The following IMMP2L variants were observed in gnomAD, a reference collection of about 807,000 sequenced individuals.
The protein encoded by IMMP2L is mitochondrial inner membrane protease subunit 2.
Under a neutral mutation model 19.3 loss-of-function variants are expected in IMMP2L, and 18 were observed. The observed-to-expected ratio is 0.93, with a 90% CI of 0.64 to 1.38. The LOEUF (loss-of-function observed/expected upper bound fraction) is 1.38, where lower values mean the gene tolerates loss of function less well. Among genes scored for constraint, IMMP2L ranks in the 40% most tolerant of loss-of-function variants. The pLI is 0.00. For synonymous variants in IMMP2L, 76 were observed against 73.0 expected, an observed-to-expected ratio of 1.04 and a Z score of -0.21; for missense variants, 233 against 218.2, an observed-to-expected ratio of 1.07 and a Z score of -0.43.
chr7:111,027,551 G>A (rs1826974964), intron 3 of IMMP2L, among the ~76,000 whole-genome samples: 2 of 151,948 alleles, frequency 1.3e-5, no homozygotes, highest in Non-Finnish European at 2.9e-5. Context: ...CACTGGGACG[G>A]CTAAAGTCAT....
rs774110373 is a variant in IMMP2L at position 110,663,689 on chromosome 7, T to A, written c.441A>T (p.Thr147=). The A allele has an allele frequency of 6.2e-7, 1 of 1,607,132 alleles. No individual in the cohort carries two copies. The highest frequency in any genetic ancestry group is 8.5e-7 in the Non-Finnish European group (1 of 1,176,410). ...AGCGCTCTGGGGGCCACAGGATATG[T>A]GTGGCATGGGCATGCAGAAGTCCTA... ...VSLGLLHAHA[T]HILWPPERWQ... The change falls in exon 6 of 6, where the codon ACA becomes ACT. Residue 147 remains threonine, a synonymous_variant. Transcript: ENST00000405709.
intron 5 of IMMP2L, among the ~76,000 whole-genome samples, chr7:110,848,586 G>T (rs79293260): frequency 0.029 from 4,365 of 152,120 alleles, 219 homozygotes; most frequent in African/African-American, 0.1. Context: ...AAACTTATGT[G>T]CACACAAAAA....
At chr7:111,461,415 C>T (rs532494057) in intron 3 of IMMP2L, among the ~76,000 whole-genome samples, 4 of 152,036 alleles carry the variant, frequency 2.6e-5, no homozygotes, top group South Asian at 2.1e-4. Flanking sequence ...TACACGCACA[C>T]GCACAGGAAC....
chr7:110,755,479 T>A (rs1333806687), intron 5 of IMMP2L, among the ~76,000 whole-genome samples: 2 of 152,156 alleles, frequency 1.3e-5, no homozygotes, highest in Non-Finnish European at 2.9e-5. Context: ...TTTACACAGA[T>A]ATGCATATTG....
At chr7:111,328,353 A>G (rs552285141) in intron 3 of IMMP2L, among the ~76,000 whole-genome samples, 1 of 151,954 alleles carries the variant, frequency 6.6e-6, no homozygotes, top group Non-Finnish European at 1.5e-5. Flanking sequence ...CATGGCAGCT[A>G]GAACTAAATA....
At chr7:111,546,210 T>C (rs1173032751) in intron 1 of IMMP2L, among the ~76,000 whole-genome samples, 1 of 152,088 alleles carries the variant, frequency 6.6e-6, no homozygotes, top group African/African-American at 2.4e-5. Context: ...TACAATCTAG[T>C]AGAAAACTTA....
chr7:110,839,876 G>A (rs1343124331), intron 5 of IMMP2L, among the ~76,000 whole-genome samples: 1 of 151,948 alleles, frequency 6.6e-6, no homozygotes, highest in East Asian at 1.9e-4. Flanking sequence ...TATCAACTAA[G>A]CTGATATACT....
At chr7:110,908,107 A>T (rs182832276) in intron 4 of IMMP2L, among the ~76,000 whole-genome samples, 1 of 152,342 alleles carries the variant, frequency 6.6e-6, no homozygotes, top group Non-Finnish European at 1.5e-5. Flanking sequence ...GAAGTAAGAA[A>T]TTCAGAGCAG....
At chr7:110,938,132 C>T (rs1816322704) in intron 4 of IMMP2L, among the ~76,000 whole-genome samples, 1 of 152,056 alleles carries the variant, frequency 6.6e-6, no homozygotes, top group Non-Finnish European at 1.5e-5. Flanking sequence ...TTCGTGTTAT[C>T]GTCTGTCAGG....
At position 111,122,920 on chromosome 7, in the gene IMMP2L, G is replaced by A. The variant is rs753730223; in HGVS notation, c.240-159355C>T. On this transcript the variant is annotated intron_variant, in intron 3 of 5. Coordinates refer to ENST00000405709, the MANE Select transcript of IMMP2L (RefSeq NM_032549.4). The stretch of plus-strand genomic sequence containing the variant: ...TACACCCAGATCCATTTATATGGAA[G>A]CATCTACAGTGGATTGTAATGATTT... 1.7e-5 allele frequency: 27 copies of A among 1,614,042 alleles called. No individual in the cohort carries two copies. The Admixed American group carries it at 4.5e-4, about 27-fold the overall frequency.
rs58376620 is a variant in IMMP2L at position 111,515,031 on chromosome 7, C to T, written c.135+6282G>A. Among the ~76,000 whole-genome samples the T allele has an allele frequency of 8.7e-3, 1,318 of 152,182 alleles. 23 individuals carry two copies. The highest frequency in any genetic ancestry group is 0.03 in the African/African-American group (1,263 of 41,524). ...ATTTAGTATCTGATAGCTCCAATTT[C>T]TAAAGCCTTTAAAGTCTAGTTCGGC... On this transcript the variant is annotated intron_variant, in intron 2 of 5. Transcript: ENST00000405709.
intron 3 of IMMP2L, among the ~76,000 whole-genome samples, chr7:111,334,267 T>G (rs181204469): frequency 3.3e-5 from 5 of 152,162 alleles, no homozygotes; most frequent in African/African-American, 1.2e-4. Context: ...ACTCTCTGTG[T>G]TCTTGACAGT....
intron 5 of IMMP2L, among the ~76,000 whole-genome samples, chr7:110,753,215 C>T (rs2130928628): frequency 6.6e-6 from 1 of 152,068 alleles, no homozygotes; most frequent in East Asian, 1.9e-4. Context: ...ATCCTTCTAC[C>T]TCAAATAATC....
intron 3 of IMMP2L, among the ~76,000 whole-genome samples, chr7:110,969,137 T>C (rs1004279075): frequency 3.9e-5 from 6 of 152,070 alleles, no homozygotes; most frequent in African/African-American, 1.4e-4. Context: ...TTAAATTAGA[T>C]AGGTATTATC....
chr7:111,160,156 A>C (rs1419437335), intron 3 of IMMP2L, among the ~76,000 whole-genome samples: 1 of 152,142 alleles, frequency 6.6e-6, no homozygotes, highest in African/African-American at 2.4e-5. Flanking sequence ...TCAGTATTAA[A>C]TATATCCAAA....
chr7:111,179,144 T>A (rs940135361), intron 3 of IMMP2L, among the ~76,000 whole-genome samples: 4 of 151,914 alleles, frequency 2.6e-5, no homozygotes, highest in African/African-American at 9.7e-5. Flanking sequence ...TCTTTATACA[T>A]CTCCTTCAGA....
At chr7:111,167,952 C>T (rs1806016262) in intron 3 of IMMP2L, among the ~76,000 whole-genome samples, 1 of 151,874 alleles carries the variant, frequency 6.6e-6, no homozygotes, top group Admixed American at 6.6e-5. Flanking sequence ...TCTCTGCCTA[C>T]CAACCTAGGT....
intron 3 of IMMP2L, among the ~76,000 whole-genome samples, chr7:111,254,783 A>C (rs117197078): frequency 6.6e-6 from 1 of 152,154 alleles, no homozygotes; most frequent in East Asian, 1.9e-4. Flanking sequence ...CTGTAACACA[A>C]GTTTTGTATC....
intron 5 of IMMP2L, among the ~76,000 whole-genome samples, chr7:110,681,798 G>C (rs1417784680): frequency 6.6e-6 from 1 of 152,058 alleles, no homozygotes; most frequent in Admixed American, 6.6e-5. Flanking sequence ...TGGAGAAGAG[G>C]TTGTAGGAAT....
Sources: gnomAD v4.1 joint callset for allele counts (sites outside exome capture counted in the v4.1 genomes callset) on GRCh38, gnomAD v4.1.1 for gene constraint, MANE v1.5 for transcripts, NCBI Gene and HGNC (gene_info 2026-07-23, HGNC 2026-07-21) for gene names.